RASSF3: variants seen among roughly 807,000 people sequenced by gnomAD.
RASSF3 encodes ras association domain-containing protein 3.
Under a neutral mutation model 19.9 loss-of-function variants are expected in RASSF3, and 19 were observed. That is an observed-to-expected ratio of 0.96 (90% CI 0.67 to 1.40). RASSF3 has a LOEUF of 1.40. Among genes scored for constraint, RASSF3 ranks in the 40% most tolerant of loss-of-function variants. The pLI, the probability that RASSF3 is intolerant of heterozygous loss-of-function variation, is 0.00. For missense variants in RASSF3, 306 were observed against 289.8 expected (o/e 1.06, Z -0.41); for synonymous variants, 110 against 104.2 (o/e 1.06, Z -0.34).
At chr12:64,681,659 G>A (rs1873132083) in intron 1 of RASSF3, among the ~76,000 whole-genome samples, 1 of 152,198 alleles carries the variant, frequency 6.6e-6, no homozygotes. Flanking sequence ...AGCTATGACT[G>A]GTACCCAGCT....
upstream of RASSF3, chr12:64,609,552 A>G (rs1406157774): frequency 6.6e-6 from 1 of 152,256 alleles, no homozygotes; most frequent in African/African-American, 2.4e-5. Context: ...AAATCAGTGC[A>G]GTAACACCAA....
chr12:64,553,574 C>A (rs1250719821), intron 2 of RASSF3, among the ~76,000 whole-genome samples: 4 of 152,186 alleles, frequency 2.6e-5, no homozygotes, highest in Non-Finnish European at 4.4e-5. Flanking sequence ...GGAGACGAGA[C>A]CTTGGATGTC....
chr12:64,608,194 A>G (rs947250782), upstream of RASSF3, among the ~76,000 whole-genome samples: 4 of 152,040 alleles, frequency 2.6e-5, no homozygotes, highest in African/African-American at 9.7e-5. Context: ...GCCCCACTCA[A>G]TCATGCCTTT....
At chr12:64,626,056 G>C (rs1870979928) in intron 1 of RASSF3, among the ~76,000 whole-genome samples, 1 of 152,080 alleles carries the variant, frequency 6.6e-6, no homozygotes, top group African/African-American at 2.4e-5. Flanking sequence ...TGAATTGGTT[G>C]TTGGAAACTG....
chr12:64,640,777 G>A (rs1871488432), intron 1 of RASSF3, among the ~76,000 whole-genome samples: 1 of 151,930 alleles, frequency 6.6e-6, no homozygotes, highest in African/African-American at 2.4e-5. Flanking sequence ...TGAATAGCTG[G>A]GACTAGAGGC....
At chr12:64,549,966 TACC>T (rs1215606660) in intron 2 of RASSF3, among the ~76,000 whole-genome samples, 2 of 152,222 alleles carry the variant, frequency 1.3e-5, no homozygotes, top group African/African-American at 2.4e-5. Flanking sequence ...CTTTCATGCT[TACC>T]ACAAGTCTAT....
At chr12:64,608,527 G>A (rs1870233395), upstream of RASSF3, among the ~76,000 whole-genome samples, 1 of 151,924 alleles carries the variant, frequency 6.6e-6, no homozygotes, top group Non-Finnish European at 1.5e-5. Flanking sequence ...TGGCCAGGCT[G>A]GTTTCCAACT....
intron 3 of RASSF3, among the ~76,000 whole-genome samples, chr12:64,689,444 C>A (rs1298860188): frequency 3.9e-5 from 6 of 151,958 alleles, no homozygotes; most frequent in African/African-American, 1.5e-4. Flanking sequence ...GATGAACAGG[C>A]CAGGGTTCCT....
intron 1 of RASSF3, among the ~76,000 whole-genome samples, chr12:64,651,956 C>T (rs913984763): frequency 2.0e-5 from 3 of 152,182 alleles, no homozygotes; most frequent in African/African-American, 7.2e-5. Context: ...CCACCTCGCC[C>T]AGCTCCATTT....
intron 2 of RASSF3, among the ~76,000 whole-genome samples, chr12:64,576,142 T>C (rs1221468747): frequency 6.6e-6 from 1 of 152,044 alleles, no homozygotes; most frequent in Non-Finnish European, 1.5e-5. Flanking sequence ...AATGGGAGGA[T>C]TTTTTTCACA....
intron 1 of RASSF3, among the ~76,000 whole-genome samples, chr12:64,522,935 G>GA (rs1305506516): frequency 6.6e-6 from 1 of 152,150 alleles, no homozygotes; most frequent in East Asian, 1.9e-4. Flanking sequence ...TGGAAATCCA[G>GA]AAAAAGAGTG....
downstream of RASSF3, among the ~76,000 whole-genome samples, chr12:64,542,198 T>C (rs10878188): frequency 0.37 from 55,513 of 151,862 alleles, 11,144 homozygotes; most frequent in East Asian, 0.66. Flanking sequence ...TGCCTGTGGT[T>C]CCAGCTACTC....
intron 2 of RASSF3, among the ~76,000 whole-genome samples, chr12:64,553,856 AAT>A (rs1428087402): frequency 6.6e-6 from 1 of 152,026 alleles, no homozygotes; most frequent in Non-Finnish European, 1.5e-5. Context: ...ATGTACTTGT[AAT>A]CTTAGCAACT....
chr12:64,537,987 C>A lies in RASSF3; in HGVS notation c.68-3594C>A, dbSNP rs188820339. On this transcript the variant is annotated intron_variant, in intron 1 of 1. Transcript: ENST00000636333. ...GCCTGTGTGTCGTCTATGTCCTACT[C>A]GCCTCCTCTTTTTTTTTTTTTGAGA... Among the ~76,000 whole-genome samples, 165 of 151,224 alleles carry A rather than the reference C, an allele frequency of 1.1e-3. 1 individual carries two copies. Among genetic ancestry groups the A allele is most frequent in the African/African-American group, 3.8e-3 (157 of 40,942 alleles).
intron 1 of RASSF3, among the ~76,000 whole-genome samples, chr12:64,653,518 G>A (rs1452616741): frequency 6.6e-6 from 1 of 151,946 alleles, no homozygotes; most frequent in South Asian, 2.1e-4. Context: ...TTGGGAGTTA[G>A]GACTTCAACA....
chr12:64,618,488 G>A (rs554893269), intron 1 of RASSF3, among the ~76,000 whole-genome samples: 2 of 152,088 alleles, frequency 1.3e-5, no homozygotes, highest in South Asian at 2.1e-4. Context: ...CACCATCCCC[G>A]GCTAATTTTT....
chr12:64,611,590 T>TAGGAGCCGCACCAG (rs1870367301), intron 1 of RASSF3: 1 of 152,240 alleles, frequency 6.6e-6, no homozygotes, highest in African/African-American at 2.4e-5. Flanking sequence ...CTCCTGGCAC[T>TAGGAGCCGCACCAG]AGGAGCCGCA....
At chr12:64,535,521 C>T (rs1015592501) in intron 1 of RASSF3, among the ~76,000 whole-genome samples, 2 of 151,938 alleles carry the variant, frequency 1.3e-5, no homozygotes, top group Admixed American at 6.6e-5. Flanking sequence ...CACGCCACCA[C>T]ATCAGCTAAT....
chr12:64,639,566 C>T (rs562120128), intron 1 of RASSF3, among the ~76,000 whole-genome samples: 6 of 152,216 alleles, frequency 3.9e-5, no homozygotes, highest in Non-Finnish European at 8.8e-5. Flanking sequence ...CGAAGAATGG[C>T]ATAAATCATG....
Sources: gnomAD v4.1 joint callset for allele counts (sites outside exome capture counted in the v4.1 genomes callset) on GRCh38, gnomAD v4.1.1 for gene constraint, MANE v1.5 for transcripts, NCBI Gene and HGNC (gene_info 2026-07-23, HGNC 2026-07-21) for gene names.